SPTLC2: variants seen among roughly 807,000 people sequenced by gnomAD.
SPTLC2 encodes the protein serine palmitoyltransferase long chain base subunit 2, also known as serine palmitoyltransferase 2.
SPTLC2 carries 21 observed loss-of-function variants against 62.0 expected under a neutral mutation model. The ratio of observed to expected loss-of-function variants is 0.34; its 90% CI spans 0.24 to 0.49. The LOEUF (loss-of-function observed/expected upper bound fraction) is 0.49. Ranked by LOEUF, SPTLC2 falls within the 20% of genes least tolerant of loss-of-function variation. SPTLC2 has a pLI of 0.99. For missense variants in SPTLC2, 511 were observed against 713.0 expected (o/e 0.72, Z 3.23); for synonymous variants, 261 against 261.8 (o/e 1.00, Z 0.03).
chr14:77,598,122 C>CAAAAA (rs11410783), intron 1 of SPTLC2, among the ~76,000 whole-genome samples: 1 of 116,980 alleles, frequency 8.5e-6, no homozygotes, highest in Non-Finnish European at 1.7e-5. Context: ...AACCCCATCT[C>CAAAAA]AAAAAAAAAA....
Position 77,555,519 on chromosome 14 carries a change from G to T in SPTLC2, c.957C>A (p.Ser319Arg). 6.2e-7 allele frequency: 1 copy of T among 1,614,064 alleles called. No homozygotes were observed. The part of the protein sequence containing the change: ...KILILVEGIY[S>R]MEGSIVRLPE... ...GAAGACGAACAATAGATCCCTCCAT[G>T]CTGGCAAAACATGAAAAAATATATA... The change falls in exon 8 of 12, where the codon AGC becomes AGA. Residue 319 changes from serine to arginine, a missense_variant and splice_region_variant. Ser to Arg is a moderately radical substitution (Grantham distance 110). Coordinates refer to ENST00000216484, the MANE Select transcript of SPTLC2 (RefSeq NM_004863.4).
chr14:77,584,403 T>A (rs2079769846), intron 2 of SPTLC2, among the ~76,000 whole-genome samples: 1 of 152,256 alleles, frequency 6.6e-6, no homozygotes, highest in African/African-American at 2.4e-5. Context: ...AGTGCCCATC[T>A]ACTGAGTATT....
chr14:77,541,088 G>C (rs2079498371), intron 9 of SPTLC2, among the ~76,000 whole-genome samples: 1 of 152,074 alleles, frequency 6.6e-6, no homozygotes, highest in South Asian at 2.1e-4. Flanking sequence ...GGCTGGAGTG[G>C]TGTGATCTCA....
chr14:77,531,502 TC>T (rs1566770857), intron 9 of SPTLC2, among the ~76,000 whole-genome samples: 218 of 92,720 alleles, frequency 2.4e-3, no homozygotes, highest in East Asian at 0.019. Flanking sequence ...CTCCTCCTCC[TC>T]CTCCTCTTCT....
Position 77,518,064 on chromosome 14 carries a change from C to G in SPTLC2, c.1543G>C (p.Ala515Pro). The change falls in exon 11 of 12, where the codon GCT (alanine) becomes CCT (proline). Residue 515 changes from alanine (A) to proline (P), a missense_variant. Transcript: ENST00000216484. ...GTATCAAGTATTTCTTTGGTATGAGCTGCTGACAGGCAAAACCTGGCTCTG... is the reference window on the plus strand; with the variant it reads ...GTATCAAGTATTTCTTTGGTATGAGGTGCTGACAGGCAAAACCTGGCTCTG... ...ESRARFCLSA[A>P]HTKEILDTAL... is the part of the protein sequence containing the mutation. 6.2e-7 allele frequency: 1 copy of G among 1,614,134 alleles called. No individual in the cohort carries two copies. The highest frequency in any genetic ancestry group is 8.5e-7 in the Non-Finnish European group (1 of 1,180,040).
intron 2 of SPTLC2, among the ~76,000 whole-genome samples, chr14:77,596,639 A>G (rs1352992092): frequency 6.6e-6 from 1 of 152,202 alleles, no homozygotes; most frequent in African/African-American, 2.4e-5. Context: ...CTAAAACAAG[A>G]GTGTTGTTTA....
chr14:77,602,914 G>A (rs2079885821), intron 1 of SPTLC2, among the ~76,000 whole-genome samples: 1 of 152,056 alleles, frequency 6.6e-6, no homozygotes, highest in Non-Finnish European at 1.5e-5. Context: ...ACGTCCTAAT[G>A]ATATCCTCTA....
At chr14:77,611,321 A>G (rs2079935668) in intron 1 of SPTLC2, among the ~76,000 whole-genome samples, 1 of 150,516 alleles carries the variant, frequency 6.6e-6, no homozygotes, top group South Asian at 2.1e-4. Context: ...AAATTAGCCC[A>G]CTGTAGTGGT....
chr14:77,507,776 T>A lies in SPTLC2; in HGVS notation c.*4508A>T, dbSNP rs2079312839. 6.6e-6 allele frequency: 1 copy of A among 152,112 alleles called. No individual in the cohort carries two copies. Among genetic ancestry groups the A allele is most frequent in the African/African-American group, 2.4e-5 (1 of 41,384 alleles). 9.4% of individuals were successfully genotyped at this position (152,112 alleles called of 1,614,324 possible). Reference sequence around the variant, plus strand: ...CGTGAAGCAAGTAGCAGGGTATCTGTAGGTTCTGGGACTGAAAAAAAAAAT... The same window carrying A: ...CGTGAAGCAAGTAGCAGGGTATCTGAAGGTTCTGGGACTGAAAAAAAAAAT... On this transcript the variant is annotated 3_prime_UTR_variant, in exon 12 of 12. Coordinates refer to ENST00000216484, the MANE Select transcript of SPTLC2 (RefSeq NM_004863.4).
chr14:77,533,070 G>A (rs1388954301), intron 9 of SPTLC2, among the ~76,000 whole-genome samples: 1 of 152,108 alleles, frequency 6.6e-6, no homozygotes, highest in Admixed American at 6.6e-5. Flanking sequence ...GGCCAAGGTG[G>A]GCAGATCACC....
chr14:77,597,477 A>G, intron 1 of SPTLC2, 97 bp from the exon 2 acceptor site: 2 of 1,224,638 alleles, frequency 1.6e-6, no homozygotes, highest in Non-Finnish European at 2.3e-6. Flanking sequence ...TTATACCTTA[A>G]GAATTTTCTA....
intron 1 of SPTLC2, among the ~76,000 whole-genome samples, chr14:77,602,934 A>G (rs2079885932): frequency 6.6e-6 from 1 of 152,204 alleles, no homozygotes; most frequent in Non-Finnish European, 1.5e-5. Flanking sequence ...ATAGCAAAAG[A>G]AAACCCTGGA....
At chr14:77,601,077 T>C (rs1341382829) in intron 1 of SPTLC2, among the ~76,000 whole-genome samples, 1 of 152,246 alleles carries the variant, frequency 6.6e-6, no homozygotes. Flanking sequence ...CAAGATGGCA[T>C]ATTTTTTGTT....
At chr14:77,601,888 C>T (rs765038218) in intron 1 of SPTLC2, among the ~76,000 whole-genome samples, 7 of 152,170 alleles carry the variant, frequency 4.6e-5, no homozygotes, top group African/African-American at 9.7e-5. Flanking sequence ...CCCAAAACTC[C>T]GGTGCCGGTC....
intron 1 of SPTLC2, among the ~76,000 whole-genome samples, chr14:77,608,690 C>G (rs917161290): frequency 6.6e-6 from 1 of 152,086 alleles, no homozygotes; most frequent in East Asian, 1.9e-4. Context: ...AAGGTGTAAG[C>G]AGATGGACTT....
At chr14:77,567,269 C>A (rs1041233140) in intron 5 of SPTLC2, among the ~76,000 whole-genome samples, 4 of 152,294 alleles carry the variant, frequency 2.6e-5, no homozygotes, top group African/African-American at 9.6e-5. Context: ...GAATATAAAT[C>A]CTTATGGTTG....
intron 5 of SPTLC2, 94 bp downstream of exon 5, chr14:77,570,290 A>G: frequency 3.3e-6 from 5 of 1,527,908 alleles, no homozygotes; most frequent in Admixed American, 3.4e-5. Flanking sequence ...TGTTTAGCCT[A>G]AAGTTTATAA....
At chr14:77,593,974 C>T (rs1303385488) in intron 2 of SPTLC2, among the ~76,000 whole-genome samples, 1 of 152,116 alleles carries the variant, frequency 6.6e-6, no homozygotes, top group Non-Finnish European at 1.5e-5. Context: ...CAGAAGTTGG[C>T]TGTTTTAAAT....
At chr14:77,554,396 C>T (rs1278499511) in intron 8 of SPTLC2, among the ~76,000 whole-genome samples, 1 of 152,142 alleles carries the variant, frequency 6.6e-6, no homozygotes, top group East Asian at 1.9e-4. Context: ...AACCTCATAC[C>T]CATTAGCATT....
Sources: allele counts gnomAD v4.1 joint callset (sites outside exome capture counted in the v4.1 genomes callset), GRCh38; gene constraint gnomAD v4.1.1; transcripts MANE v1.5; gene names NCBI Gene and HGNC (gene_info 2026-07-23, HGNC 2026-07-21).